MAP3K9: variants seen among roughly 807,000 people sequenced by gnomAD.
MAP3K9 encodes the protein mixed lineage kinase 1 (tyr and ser/thr specificity).
In MAP3K9, 46 loss-of-function variants were observed where a neutral mutation model predicts 95.8. The observed-to-expected ratio is 0.48, with a 90% CI of 0.38 to 0.61. The LOEUF (loss-of-function observed/expected upper bound fraction) is 0.61. MAP3K9 is among the 20% of genes least tolerant of loss of function. MAP3K9 has a pLI of 0.00. For missense variants in MAP3K9, 1,296 were observed against 1,474.3 expected (o/e 0.88, Z 1.98); for synonymous variants, 533 against 593.8 (o/e 0.90, Z 1.49).
At chr14:70,753,350 A>G (rs1445753262) in intron 3 of MAP3K9, among the ~76,000 whole-genome samples, 1 of 152,230 alleles carries the variant, frequency 6.6e-6, no homozygotes, top group African/African-American at 2.4e-5. Context: ...CATTCAGAGA[A>G]GAAGTCTTTC....
rs575813257 is a variant in MAP3K9 at position 70,734,409 on chromosome 14, C to A, written c.2003G>T (p.Gly668Val). ...KGPRSSPALP[G>V]FTSLMEMEDE... ...ACCCATCTCCATAAGGCTGGTGAAC[C>A]CTGGCAGGGCCGGGCTACTCCTTGG... The change falls in exon 10 of 12, where the codon GGG becomes GTG. Residue 668 changes from glycine (G) to valine (V), a missense_variant. Around this residue, in one of 5 missense-constraint regions of MAP3K9, gnomAD observed 377 missense variants for 417.1 expected, o/e 0.90. Transcript: ENST00000554752. 2 of 1,613,990 alleles carry A rather than the reference C, an allele frequency of 1.2e-6. No homozygotes were observed. Among genetic ancestry groups the A allele is most frequent in the East Asian group, 4.5e-5 (2 of 44,892 alleles).
intron 1 of MAP3K9, 79 bp from the exon 2 acceptor site, chr14:70,801,159 G>A: frequency 7.4e-7 from 1 of 1,353,910 alleles, no homozygotes; most frequent in Non-Finnish European, 1.0e-6. Flanking sequence ...TACCTGAGTG[G>A]GTAAACACGG....
At chr14:70,741,614 T>A (rs965421374) in intron 6 of MAP3K9, among the ~76,000 whole-genome samples, 7 of 152,180 alleles carry the variant, frequency 4.6e-5, no homozygotes, top group Non-Finnish European at 7.3e-5. Flanking sequence ...GTCTGAAAGG[T>A]CACATGTAAA....
chr14:70,724,540 C>CAAAAAAA lies in MAP3K9; in HGVS notation c.*5833_*5839dup, dbSNP rs34057307. On this transcript the variant is annotated 3_prime_UTR_variant, in exon 12 of 12. Transcript: ENST00000554752. The stretch of plus-strand genomic sequence containing the variant: ...CTTGGGTTAAAATTTAAAGGGGTGC[C>CAAAAAAA]AAAAAAAAAAGAGCCTCAGTAATCA... 1.4e-5 allele frequency: 2 copies of CAAAAAAA among 147,458 alleles called. No homozygotes were observed. Among genetic ancestry groups the CAAAAAAA allele is most frequent in the Non-Finnish European group, 3.0e-5 (2 of 66,778 alleles). 9.1% of individuals were successfully genotyped at this position (147,458 alleles called of 1,614,324 possible). A position where few individuals can be genotyped will look rare whatever the true frequency, so the allele number is the denominator to read the frequency against.
intron 10 of MAP3K9, 61 bp downstream of exon 10, chr14:70,734,325 G>A (rs2053954051): frequency 8.4e-7 from 1 of 1,189,866 alleles, no homozygotes; most frequent in African/African-American, 1.5e-5. Context: ...TAGAAGCTTG[G>A]GCAAGAATGC....
At chr14:70,746,807 A>G (rs1185796690) in intron 5 of MAP3K9, among the ~76,000 whole-genome samples, 3 of 152,168 alleles carry the variant, frequency 2.0e-5, no homozygotes, top group Non-Finnish European at 4.4e-5. Flanking sequence ...TCCAAACTTC[A>G]TTTTTCTTAC....
chr14:70,780,181 A>G lies in MAP3K9; in HGVS notation c.821-18999T>C, dbSNP rs141253475. 3.5e-4 allele frequency among the ~76,000 whole-genome samples: 53 copies of G among 152,304 alleles called. 1 individual carries two copies. The Middle Eastern group carries it at 0.02, about 59-fold the overall frequency. ...GGACCAGCACTGGAGAAACAACCCA[A>G]AGCACCAGGCTTCCTCATAATGTGC... On this transcript the variant is annotated intron_variant, in intron 2 of 11. Coordinates refer to ENST00000554752, the MANE Select transcript of MAP3K9 (RefSeq NM_001284230.2).
At position 70,742,407 on chromosome 14, in the gene MAP3K9, T is replaced by C. The variant is rs1226734356; in HGVS notation, c.1511A>G (p.Lys504Arg). ...EKPRVKKRKGKFRKSRLKLKD... is the reference protein window; with the variant it reads ...EKPRVKKRKGRFRKSRLKLKD... ...GAGCTTCAGCCGGCTCTTCCTGAAC[T>C]TGCCCTTGCGTTTCTTCACCCGGGG... is the stretch of plus-strand genomic sequence containing the variant. The change falls in exon 6 of 12, where the codon AAG becomes AGG. Residue 504 changes from lysine (K) to arginine (R), a missense_variant. This residue lies in a region of MAP3K9 where 377 missense variants were observed against 417.1 expected (regional missense o/e 0.90). Transcript: ENST00000554752. 19 of 1,614,210 alleles carry C rather than the reference T, an allele frequency of 1.2e-5. No individual in the cohort carries two copies. The highest frequency in any genetic ancestry group is 1.5e-5 in the Non-Finnish European group (18 of 1,180,036).
At chr14:70,762,337 C>G (rs540864243) in intron 2 of MAP3K9, among the ~76,000 whole-genome samples, 12 of 152,238 alleles carry the variant, frequency 7.9e-5, no homozygotes, top group Admixed American at 6.5e-4. Flanking sequence ...AGCAGAAGAA[C>G]CATTTTACAT....
At position 70,723,408 on chromosome 14, in the gene MAP3K9, GC is replaced by G. The variant is rs1235943593; in HGVS notation, c.*6971del. On this transcript the variant is annotated 3_prime_UTR_variant, in exon 12 of 12. Transcript: ENST00000554752. Reference sequence around the variant, plus strand: ...GGAAACAGGGCGAGGAAGGCAGCCAGCAGCATCAAGGATGTCAGCTGAGACG... The same window carrying G: ...GGAAACAGGGCGAGGAAGGCAGCCAGAGCATCAAGGATGTCAGCTGAGACG... The G allele has an allele frequency of 6.6e-6, 1 of 152,474 alleles. No homozygotes were observed. The highest frequency in any genetic ancestry group is 1.5e-5 in the Non-Finnish European group (1 of 68,228). 9.4% of individuals were successfully genotyped at this position (152,474 alleles called of 1,614,324 possible). A position where few individuals can be genotyped will look rare whatever the true frequency, so the allele number is the denominator to read the frequency against.
intron 2 of MAP3K9, among the ~76,000 whole-genome samples, chr14:70,781,766 T>C (rs912195736): frequency 6.6e-6 from 1 of 152,200 alleles, no homozygotes; most frequent in African/African-American, 2.4e-5. Context: ...GTCGAGGACT[T>C]TGCCCAAAGC....
intron 2 of MAP3K9, among the ~76,000 whole-genome samples, chr14:70,770,232 G>A (rs541688061): frequency 6.6e-6 from 1 of 152,172 alleles, no homozygotes; most frequent in South Asian, 2.1e-4. Context: ...CCAGACTGGA[G>A]TGCAATGGCA....
intron 2 of MAP3K9, among the ~76,000 whole-genome samples, chr14:70,780,842 A>G (rs1188638736): frequency 1.3e-5 from 2 of 152,208 alleles, no homozygotes; most frequent in Non-Finnish European, 2.9e-5. Context: ...ACCAGATAAA[A>G]ATAACCAAAA....
chr14:70,767,737 G>A (rs1293422184), intron 2 of MAP3K9, among the ~76,000 whole-genome samples: 2 of 152,222 alleles, frequency 1.3e-5, no homozygotes, highest in African/African-American at 2.4e-5. Flanking sequence ...TGCCCAGAAT[G>A]GAGTGCAGTG....
intron 2 of MAP3K9, among the ~76,000 whole-genome samples, chr14:70,781,437 T>C (rs2139826408): frequency 6.6e-6 from 1 of 152,330 alleles, no homozygotes. Context: ...GCCCCAGACA[T>C]TGACAAGCCA....
rs1037286156 is a variant in MAP3K9, at chr14:70,733,243, C to T, written c.2126G>A (p.Gly709Asp). 1 of 1,612,644 alleles carries T rather than the reference C, an allele frequency of 6.2e-7. No homozygotes were observed. Among genetic ancestry groups the T allele is most frequent in the African/African-American group, 1.3e-5 (1 of 75,014 alleles). The change falls in exon 11 of 12, where the codon GGC (glycine) becomes GAC (aspartate). Residue 709 changes from glycine to aspartate, a missense_variant. Physicochemically the swap from Gly to Asp is moderately conservative, Grantham distance 94. This residue lies in a region of MAP3K9 where 377 missense variants were observed against 417.1 expected (regional missense o/e 0.90). Transcript: ENST00000554752. ...LCIPFPRGED[G>D]DGPSSDGIHE... ...GATTCCATCACTGGAGGGGCCATCG[C>T]CATCCTCTCCACGAGGGAATGGGAT...
intron 2 of MAP3K9, chr14:70,765,561 G>A (rs1434788688): frequency 1.5e-5 from 9 of 586,234 alleles, no homozygotes; most frequent in Non-Finnish European, 1.5e-5. Flanking sequence ...ATACATTTAG[G>A]TACACAAAGT....
chr14:70,787,504 T>C (rs1455227685), intron 2 of MAP3K9, among the ~76,000 whole-genome samples: 6 of 104,480 alleles, frequency 5.7e-5, no homozygotes, highest in African/African-American at 1.1e-4. Flanking sequence ...CAAGACTCTG[T>C]CTCAAAAAAA....
At chr14:70,793,952 C>A (rs1243871111) in intron 2 of MAP3K9, among the ~76,000 whole-genome samples, 2 of 152,218 alleles carry the variant, frequency 1.3e-5, no homozygotes, top group Middle Eastern at 3.2e-3. Context: ...GGGTTCTAGT[C>A]TCTTGTCACT....
Sources: allele counts gnomAD v4.1 joint callset (sites outside exome capture counted in the v4.1 genomes callset), GRCh38; gene constraint gnomAD v4.1.1; regional missense constraint gnomAD v4.1.1; transcripts MANE v1.5; gene names NCBI Gene and HGNC (gene_info 2026-07-23, HGNC 2026-07-21).